Variants in DLG2 observed in about 807,000 individuals in gnomAD.
DLG2 encodes the protein discs large MAGUK scaffold protein 2, also known as disks large homolog 2.
Under a neutral mutation model 132.5 loss-of-function variants are expected in DLG2, and 45 were observed. The ratio of observed to expected loss-of-function variants is 0.34; its 90% confidence interval spans 0.27 to 0.44. The LOEUF is 0.44. DLG2 is among the 20% of genes least tolerant of loss of function. The pLI is 1.00. For missense variants in DLG2, 1,045 were observed against 1,196.9 expected, an observed-to-expected ratio of 0.87 and a Z score of 1.87; for synonymous variants, 424 against 419.6, an observed-to-expected ratio of 1.01 and a Z score of -0.13.
intron 6 of DLG2, among the ~76,000 whole-genome samples, chr11:84,538,944 T>A (rs80303056): frequency 2.0e-5 from 3 of 152,160 alleles, no homozygotes; most frequent in Non-Finnish European, 2.9e-5. Context: ...CCTGATATGA[T>A]ATAGCAGAAT....
chr11:85,426,587 T>C (rs1206619143), intron 3 of DLG2, among the ~76,000 whole-genome samples: 1 of 151,976 alleles, frequency 6.6e-6, no homozygotes, highest in East Asian at 1.9e-4. Flanking sequence ...GAAGGAAAAC[T>C]AACAAACAGA....
chr11:84,706,098 A>G (rs2059747774), intron 6 of DLG2, among the ~76,000 whole-genome samples: 5 of 151,812 alleles, frequency 3.3e-5, no homozygotes, highest in Admixed American at 6.6e-5. Context: ...ACACAAATTG[A>G]GTCCTGAAGG....
chr11:83,997,330 A>C (rs1001005160), intron 11 of DLG2, among the ~76,000 whole-genome samples: 2 of 152,130 alleles, frequency 1.3e-5, no homozygotes, highest in African/African-American at 4.8e-5. Context: ...CTGTCAAGAA[A>C]ATCATTCTAG....
At chr11:84,922,499 G>A (rs1186968571) in intron 6 of DLG2, among the ~76,000 whole-genome samples, 1 of 152,110 alleles carries the variant, frequency 6.6e-6, no homozygotes, top group Non-Finnish European at 1.5e-5. Context: ...TGACAACAGC[G>A]GGACAGCAGC....
chr11:84,174,019 T>TTTTTTTTTTTTTTTTC, intron 8 of DLG2, among the ~76,000 whole-genome samples: 1 of 121,274 alleles, frequency 8.2e-6, no homozygotes, highest in Non-Finnish European at 1.8e-5. Flanking sequence ...CCGGCCTTTT[T>TTTTTTTTTTTTTTTTC]TTTTTTTTTT....
chr11:84,777,378 T>C (rs1169297570), intron 6 of DLG2, among the ~76,000 whole-genome samples: 1 of 148,734 alleles, frequency 6.7e-6, no homozygotes, highest in African/African-American at 2.5e-5. Context: ...ATTCTGTATC[T>C]TTGCTATTGT....
chr11:84,584,110 T>C (rs1403673419), intron 6 of DLG2, among the ~76,000 whole-genome samples: 2 of 152,084 alleles, frequency 1.3e-5, no homozygotes, highest in East Asian at 3.9e-4. Context: ...TATAAAATAA[T>C]GTCAGTTTGT....
At chr11:84,684,795 T>C (rs973355384) in intron 6 of DLG2, among the ~76,000 whole-genome samples, 6 of 152,222 alleles carry the variant, frequency 3.9e-5, no homozygotes, top group Non-Finnish European at 8.8e-5. Flanking sequence ...CTGTTTAATG[T>C]GAATTATTAC....
At chr11:84,765,684 A>T (rs1180376623) in intron 6 of DLG2, among the ~76,000 whole-genome samples, 1 of 152,074 alleles carries the variant, frequency 6.6e-6, no homozygotes, top group Non-Finnish European at 1.5e-5. Flanking sequence ...AAAAATATTT[A>T]AGCAACCCAT....
chr11:84,349,381 A>C (rs1368583646), intron 7 of DLG2, among the ~76,000 whole-genome samples: 1 of 152,138 alleles, frequency 6.6e-6, no homozygotes, highest in African/African-American at 2.4e-5. Context: ...AAGTTCTGCA[A>C]CTTTGTAAGG....
At chr11:84,140,485 G>C (rs1240786467) in intron 9 of DLG2, among the ~76,000 whole-genome samples, 2 of 152,088 alleles carry the variant, frequency 1.3e-5, no homozygotes, top group Non-Finnish European at 2.9e-5. Context: ...TGAGAAAAAT[G>C]TCTACAACAC....
chr11:84,031,236 A>T (rs2095681939), intron 11 of DLG2, among the ~76,000 whole-genome samples: 1 of 151,050 alleles, frequency 6.6e-6, no homozygotes, highest in Non-Finnish European at 1.5e-5. Context: ...GAAAGGTAAA[A>T]AAAAAAAAAA....
chr11:85,597,542 A>G (rs2153233482), intron 3 of DLG2, among the ~76,000 whole-genome samples: 1 of 152,074 alleles, frequency 6.6e-6, no homozygotes, highest in East Asian at 1.9e-4. Flanking sequence ...ATATTTTTTA[A>G]AAGTTAATCC....
intron 6 of DLG2, among the ~76,000 whole-genome samples, chr11:84,765,320 G>T (rs921872824): frequency 6.6e-6 from 1 of 151,984 alleles, no homozygotes; most frequent in African/African-American, 2.4e-5. Context: ...GTCTTAGCAG[G>T]CTGAGCACAG....
chr11:83,682,509 G>T, intron 18 of DLG2: 2 of 919,258 alleles, frequency 2.2e-6, no homozygotes, highest in Non-Finnish European at 2.6e-6. Context: ...CATCAGTAGT[G>T]TACCCCCATC....
intron 7 of DLG2, among the ~76,000 whole-genome samples, chr11:84,399,301 T>C (rs975467590): frequency 1.3e-5 from 2 of 152,170 alleles, no homozygotes; most frequent in Admixed American, 6.5e-5. Context: ...TTTAATCTCA[T>C]AGCCCTTTGT....
intron 3 of DLG2, among the ~76,000 whole-genome samples, chr11:85,383,386 GC>G (rs2086061475): frequency 6.6e-6 from 1 of 152,124 alleles, no homozygotes; most frequent in Non-Finnish European, 1.5e-5. Flanking sequence ...GAATTATATA[GC>G]TATAACTGCA....
intron 16 of DLG2, among the ~76,000 whole-genome samples, chr11:83,855,846 A>T (rs72958264): frequency 0.071 from 10,838 of 151,994 alleles, 452 homozygotes; most frequent in Middle Eastern, 0.088. Flanking sequence ...AAAAAAAAAA[A>T]TTTTCAGGGA....
chr11:83,532,998 G>C (rs1255359966), intron 20 of DLG2, among the ~76,000 whole-genome samples: 1 of 151,990 alleles, frequency 6.6e-6, no homozygotes, highest in South Asian at 2.1e-4. Context: ...CGTATACTGA[G>C]AGTCACGTCA....
Sources: gnomAD v4.1 joint callset for allele counts (sites outside exome capture counted in the v4.1 genomes callset) on GRCh38, gnomAD v4.1.1 for gene constraint, MANE v1.5 for transcripts, NCBI Gene and HGNC (gene_info 2026-07-23, HGNC 2026-07-21) for gene names.